The following CATSPERT variants were observed in gnomAD, a reference collection of about 807,000 sequenced individuals.
CATSPERT encodes the protein cation channel sperm-associated targeting subunit tau.
the CATSPERT span, chr2:201,619,118 G>T: frequency 6.2e-7 from 1 of 1,614,034 alleles, no homozygotes; most frequent in Non-Finnish European, 8.5e-7. Context: ...TTTGTCTCTT[G>T]GGGTGGCTCC....
chr2:201,617,976 C>G, the CATSPERT span, among the ~76,000 whole-genome samples: 2 of 152,148 alleles, frequency 1.3e-5, no homozygotes. Context: ...CATCACTGGC[C>G]ATCAGAGAAA....
chr2:201,579,791 G>A, the CATSPERT span, among the ~76,000 whole-genome samples: 8 of 149,574 alleles, frequency 5.3e-5, no homozygotes, highest in South Asian at 2.1e-4. Context: ...CTAAATTCCC[G>A]TAAACTTGAA....
the CATSPERT span, among the ~76,000 whole-genome samples, chr2:201,618,655 C>A: frequency 6.6e-6 from 1 of 151,136 alleles, no homozygotes; most frequent in African/African-American, 2.4e-5. Context: ...ACATGTATAC[C>A]TATGTAACAA....
chr2:201,492,714 C>T, the CATSPERT span: 1 of 1,535,278 alleles, frequency 6.5e-7, no homozygotes, highest in East Asian at 2.5e-5. Context: ...TGACAAAAGA[C>T]ATGATTTCTT....
the CATSPERT span, among the ~76,000 whole-genome samples, chr2:201,571,689 T>C: frequency 6.6e-6 from 1 of 152,176 alleles, no homozygotes; most frequent in Non-Finnish European, 1.5e-5. Context: ...GCCATGAACT[T>C]GGCACTCCTT....
At chr2:201,602,304 G>C in the CATSPERT span, among the ~76,000 whole-genome samples, 1 of 151,970 alleles carries the variant, frequency 6.6e-6, no homozygotes, top group Non-Finnish European at 1.5e-5. Flanking sequence ...TAAGAATATA[G>C]TTCATTTATA....
the CATSPERT span, among the ~76,000 whole-genome samples, chr2:201,539,511 G>T: frequency 2.1e-4 from 19 of 89,738 alleles, no homozygotes; most frequent in East Asian, 1.1e-3. Flanking sequence ...TTTTAACGAG[G>T]TTTTTTTTTT....
the CATSPERT span, chr2:201,555,900 T>G: frequency 9.2e-5 from 14 of 152,186 alleles, no homozygotes; most frequent in Non-Finnish European, 1.2e-4. Flanking sequence ...TAATATTCCC[T>G]CTGCATATTA....
chr2:201,582,365 G>C, the CATSPERT span: 1 of 779,540 alleles, frequency 1.3e-6, no homozygotes, highest in African/African-American at 1.9e-5. Flanking sequence ...AATATTATTT[G>C]CATACCTAGT....
At chr2:201,536,365 G>A in the CATSPERT span, 5 of 1,528,476 alleles carry the variant, frequency 3.3e-6, no homozygotes, top group Non-Finnish European at 2.6e-6. Flanking sequence ...AATCATTATT[G>A]ACTGGAAAAT....
chr2:201,547,899 T>C, the CATSPERT span, among the ~76,000 whole-genome samples: 2 of 152,104 alleles, frequency 1.3e-5, no homozygotes, highest in Non-Finnish European at 2.9e-5. Flanking sequence ...GAATCATAAA[T>C]ATGTACACAA....
chr2:201,591,662 G>C, the CATSPERT span, among the ~76,000 whole-genome samples: 1 of 152,092 alleles, frequency 6.6e-6, no homozygotes, highest in Non-Finnish European at 1.5e-5. Flanking sequence ...TTATTTCCTT[G>C]CTCAGTAGTT....
At chr2:201,558,642 C>T in the CATSPERT span, among the ~76,000 whole-genome samples, 1 of 152,218 alleles carries the variant, frequency 6.6e-6, no homozygotes, top group East Asian at 1.9e-4. Flanking sequence ...CCCCATAGTC[C>T]TCACAGGCCT....
the CATSPERT span, among the ~76,000 whole-genome samples, chr2:201,498,643 C>G: frequency 6.6e-6 from 1 of 152,072 alleles, no homozygotes; most frequent in African/African-American, 2.4e-5. Context: ...AAGTTGACAC[C>G]TAATATTAAC....
chr2:201,538,845 T>C, the CATSPERT span, among the ~76,000 whole-genome samples: 1 of 152,254 alleles, frequency 6.6e-6, no homozygotes, highest in Non-Finnish European at 1.5e-5. Context: ...TAGGTCCCAG[T>C]GTGTGTTGTT....
chr2:201,617,371 T>C, the CATSPERT span, among the ~76,000 whole-genome samples: 1 of 152,184 alleles, frequency 6.6e-6, no homozygotes, highest in East Asian at 1.9e-4. Context: ...TATAGACCAA[T>C]GGAACAGAAT....
chr2:201,618,624 G>C, the CATSPERT span, among the ~76,000 whole-genome samples: 1 of 151,126 alleles, frequency 6.6e-6, no homozygotes, highest in Non-Finnish European at 1.5e-5. Flanking sequence ...CGAGTTAATG[G>C]GTGCAGCACA....
chr2:201,574,342 T>C, the CATSPERT span: 1 of 1,359,478 alleles, frequency 7.4e-7, no homozygotes, highest in South Asian at 1.4e-5. Flanking sequence ...GGACAAAAAG[T>C]GATATTTTTA....
the CATSPERT span, among the ~76,000 whole-genome samples, chr2:201,578,532 T>C: frequency 3.9e-5 from 6 of 152,160 alleles, no homozygotes; most frequent in Admixed American, 1.3e-4. Flanking sequence ...TCAGATATTT[T>C]ACTTTTCAGT....
Sources: allele counts gnomAD v4.1 joint callset (sites outside exome capture counted in the v4.1 genomes callset), GRCh38; gene constraint gnomAD v4.1.1; transcripts MANE v1.5; gene names NCBI Gene and HGNC (gene_info 2026-07-23, HGNC 2026-07-21).